GRIA2: variants seen among roughly 807,000 people sequenced by gnomAD.
GRIA2 encodes glutamate ionotropic receptor AMPA type subunit 2.
Under a neutral mutation model 97.3 loss-of-function variants are expected in GRIA2, and 14 were observed. That is an observed-to-expected ratio of 0.14 (90% CI 0.10 to 0.23). The LOEUF (loss-of-function observed/expected upper bound fraction) is 0.23. GRIA2 is among the 10% of genes least tolerant of loss of function. GRIA2 has a pLI of 1.00. For synonymous variants in GRIA2, 412 were observed against 387.8 expected (o/e 1.06, Z -0.73); for missense variants, 558 against 1,069.8 (o/e 0.52, Z 6.67).
At chr4:157,316,543 A>G (rs1020804549) in intron 4 of GRIA2, among the ~76,000 whole-genome samples, 1 of 151,988 alleles carries the variant, frequency 6.6e-6, no homozygotes, top group Non-Finnish European at 1.5e-5. Flanking sequence ...AAGGCAAAGG[A>G]TATAGTGGTG....
intron 6 of GRIA2, among the ~76,000 whole-genome samples, chr4:157,323,490 T>A (rs987179488): frequency 6.6e-6 from 1 of 151,990 alleles, no homozygotes; most frequent in Admixed American, 6.6e-5. Context: ...GGGGTCTAAC[T>A]GCCGATCCCA....
chr4:157,343,139 G>A (rs556875893), intron 12 of GRIA2, among the ~76,000 whole-genome samples: 14 of 152,142 alleles, frequency 9.2e-5, no homozygotes, highest in African/African-American at 2.2e-4. Flanking sequence ...ATATGCAATC[G>A]TGGAGGTTGT....
At chr4:157,223,955 T>C (rs1729628829) in intron 2 of GRIA2, among the ~76,000 whole-genome samples, 2 of 152,208 alleles carry the variant, frequency 1.3e-5, no homozygotes, top group African/African-American at 4.8e-5. Flanking sequence ...ATTTTTGAAT[T>C]TTTAAATAGA....
At chr4:157,292,149 T>C (rs1192036887) in intron 2 of GRIA2, among the ~76,000 whole-genome samples, 1 of 151,816 alleles carries the variant, frequency 6.6e-6, no homozygotes, top group East Asian at 1.9e-4. Context: ...TGCAAAACAA[T>C]AGGTACAAAA....
chr4:157,325,176 T>C (rs1274058292), intron 6 of GRIA2, among the ~76,000 whole-genome samples: 1 of 152,166 alleles, frequency 6.6e-6, no homozygotes, highest in East Asian at 1.9e-4. Flanking sequence ...TAAAGTTAAA[T>C]CAGCTTCCAA....
intron 12 of GRIA2, among the ~76,000 whole-genome samples, chr4:157,350,762 G>C (rs1212347594): frequency 6.6e-6 from 1 of 151,676 alleles, no homozygotes; most frequent in Non-Finnish European, 1.5e-5. Flanking sequence ...TTAGCTTTTT[G>C]GTAACTGCAT....
At chr4:157,285,365 A>G (rs2126822860) in intron 2 of GRIA2, among the ~76,000 whole-genome samples, 1 of 151,392 alleles carries the variant, frequency 6.6e-6, no homozygotes, top group Non-Finnish European at 1.5e-5. Flanking sequence ...TTGCCTTTAT[A>G]TTTTCTTTAT....
At chr4:157,308,984 A>T (rs1243419420) in intron 3 of GRIA2, among the ~76,000 whole-genome samples, 1 of 152,120 alleles carries the variant, frequency 6.6e-6, no homozygotes, top group Admixed American at 6.5e-5. Flanking sequence ...ATTGAGAGAG[A>T]GTTTGAGAGT....
At chr4:157,221,214 A>G (rs529765463) in intron 1 of GRIA2, 84 bp downstream of exon 1, 4 of 773,164 alleles carry the variant, frequency 5.2e-6, no homozygotes, top group South Asian at 2.9e-5. Flanking sequence ...AATTCATGTC[A>G]TGTAGACTTA....
In GRIA2 at chr4:157,255,352, T is replaced by C. The variant is rs143906776; in HGVS notation, c.229+33545T>C. Among the ~76,000 whole-genome samples, 295 of 152,170 alleles carry C rather than the reference T, an allele frequency of 1.9e-3. 1 individual carries two copies. Among genetic ancestry groups the C allele is most frequent in the Middle Eastern group, 6.8e-3 (2 of 294 alleles). On this transcript the variant is annotated intron_variant, in intron 2 of 15. Coordinates refer to ENST00000264426, the MANE Select transcript of GRIA2 (RefSeq NM_001083619.3). The stretch of plus-strand genomic sequence containing the variant: ...TTCATATCTTTGCTTTTGTGAACAG[T>C]GATGCGATAAAAATACGAGGGCAGG...
intron 5 of GRIA2, among the ~76,000 whole-genome samples, chr4:157,319,915 C>A (rs572737497): frequency 6.6e-6 from 1 of 152,210 alleles, no homozygotes; most frequent in South Asian, 2.1e-4. Context: ...GTTCTCATTT[C>A]TCCAACCTTA....
chr4:157,298,945 G>A (rs1179810658), intron 2 of GRIA2, among the ~76,000 whole-genome samples: 4 of 152,036 alleles, frequency 2.6e-5, no homozygotes, highest in African/African-American at 9.7e-5. Flanking sequence ...CAGAGTGAAA[G>A]AAGATAAGAG....
At chr4:157,267,703 T>C (rs1035609983) in intron 2 of GRIA2, among the ~76,000 whole-genome samples, 1 of 152,064 alleles carries the variant, frequency 6.6e-6, no homozygotes, top group Non-Finnish European at 1.5e-5. Context: ...TCCTTGGGAA[T>C]TTTTTGCACT....
At chr4:157,282,912 T>G (rs544775252) in intron 2 of GRIA2, among the ~76,000 whole-genome samples, 11 of 152,174 alleles carry the variant, frequency 7.2e-5, no homozygotes, top group Middle Eastern at 3.4e-3. Flanking sequence ...GTCACCTACT[T>G]TATTCACTGA....
At chr4:157,318,370 T>A (rs1199790550) in intron 5 of GRIA2, among the ~76,000 whole-genome samples, 1 of 152,118 alleles carries the variant, frequency 6.6e-6, no homozygotes, top group African/African-American at 2.4e-5. Flanking sequence ...ATTGAGATAT[T>A]ATGCATTATT....
chr4:157,321,112 G>A (rs985771911), intron 5 of GRIA2, among the ~76,000 whole-genome samples: 6 of 152,204 alleles, frequency 3.9e-5, no homozygotes, highest in African/African-American at 1.4e-4. Context: ...CTCCGCTGTA[G>A]ACCAAGTAAG....
At chr4:157,267,715 T>C (rs958379744) in intron 2 of GRIA2, among the ~76,000 whole-genome samples, 28 of 152,084 alleles carry the variant, frequency 1.8e-4, no homozygotes, top group Non-Finnish European at 7.4e-5. Context: ...TTTTGCACTG[T>C]CACTTGTAAG....
At chr4:157,342,319 C>T in intron 12 of GRIA2, 1 of 984,970 alleles carries the variant, frequency 1.0e-6, no homozygotes, top group Non-Finnish European at 1.2e-6. Context: ...CTATCTCATG[C>T]TACATTACCT....
chr4:157,288,320 G>A (rs1732939642), intron 2 of GRIA2, among the ~76,000 whole-genome samples: 1 of 151,494 alleles, frequency 6.6e-6, no homozygotes, highest in South Asian at 2.1e-4. Flanking sequence ...ACATTTTTTA[G>A]GTACTAACCC....
Sources: allele counts gnomAD v4.1 joint callset (sites outside exome capture counted in the v4.1 genomes callset), GRCh38; gene constraint gnomAD v4.1.1; transcripts MANE v1.5; gene names NCBI Gene and HGNC (gene_info 2026-07-23, HGNC 2026-07-21).